CCDC181: variants seen among roughly 807,000 people sequenced by gnomAD.
CCDC181 encodes the protein coiled-coil domain-containing protein 181.
In CCDC181, 35 loss-of-function variants were observed where a neutral mutation model predicts 58.7. That is an observed-to-expected ratio of 0.60 (90% CI 0.46 to 0.79). CCDC181 has a LOEUF of 0.79. CCDC181 is among the 30% of genes least tolerant of loss of function. The probability of loss-of-function intolerance (pLI) is 0.00; values close to 1 mark genes in which losing one functional copy is unlikely to be tolerated. For missense variants in CCDC181, 517 were observed against 583.9 expected, an observed-to-expected ratio of 0.89 and a Z score of 1.18; for synonymous variants, 183 against 197.5, an observed-to-expected ratio of 0.93 and a Z score of 0.62.
At chr1:169,421,129 A>C (rs887992582) in intron 3 of CCDC181, among the ~76,000 whole-genome samples, 6 of 152,176 alleles carry the variant, frequency 3.9e-5, no homozygotes, top group African/African-American at 1.2e-4. Flanking sequence ...CATCACTGAG[A>C]TCTCCGCTAA....
At chr1:169,423,640 G>A (rs1656590883) in intron 2 of CCDC181, among the ~76,000 whole-genome samples, 1 of 151,948 alleles carries the variant, frequency 6.6e-6, no homozygotes, top group Non-Finnish European at 1.5e-5. Context: ...CCTCTGATAT[G>A]ATAGGTGATC....
chr1:169,435,080 G>C (rs149252919), intron 2 of CCDC181, among the ~76,000 whole-genome samples: 4 of 151,970 alleles, frequency 2.6e-5, no homozygotes, highest in African/African-American at 4.8e-5. Flanking sequence ...ACTTAAAAAT[G>C]GTTAAGATAA....
intron 3 of CCDC181, among the ~76,000 whole-genome samples, chr1:169,420,236 AT>A (rs2102087528): frequency 6.6e-6 from 1 of 152,272 alleles, no homozygotes; most frequent in East Asian, 1.9e-4. Flanking sequence ...TTGTCACCAA[AT>A]TCCTATACTT....
At chr1:169,448,151 CATT>C (rs1211201715) in intron 2 of CCDC181, among the ~76,000 whole-genome samples, 6 of 152,136 alleles carry the variant, frequency 3.9e-5, no homozygotes, top group Admixed American at 2.0e-4. Flanking sequence ...CTTATGACAT[CATT>C]GTCATCCACT....
chr1:169,422,333 C>T lies in CCDC181; in HGVS notation c.118-20G>A. 2 of 1,487,566 alleles carry T rather than the reference C, an allele frequency of 1.3e-6. 1 individual carries two copies. The highest frequency in any genetic ancestry group is 2.8e-5 in the South Asian group (2 of 70,426). The allele number at this position is 1,487,566 out of a possible 1,614,324, so 92.1% of individuals were successfully genotyped here. On this transcript the variant is annotated intron_variant, in intron 2 of 5. Transcript: ENST00000367806. Reference sequence around the variant, plus strand: ...AGCCATCTAAAAACAAGATATTTTTCAGTCAAAATTGAGATTCTTCATTTA... The same window carrying T: ...AGCCATCTAAAAACAAGATATTTTTTAGTCAAAATTGAGATTCTTCATTTA...
chr1:169,456,359 A>G (rs1657675854), intron 2 of CCDC181, among the ~76,000 whole-genome samples: 1 of 152,166 alleles, frequency 6.6e-6, no homozygotes, highest in South Asian at 2.1e-4. Flanking sequence ...AGTACCTCGC[A>G]TAAGCCCAAT....
In CCDC181 at chr1:169,421,407, GTTCT is replaced by G. The variant is rs747831683; in HGVS notation, c.1020_1023del (p.Lys340AsnfsTer6). 7 of 1,612,564 alleles carry G rather than the reference GTTCT, an allele frequency of 4.3e-6. No individual in the cohort carries two copies. The highest frequency in any genetic ancestry group is 1.3e-5 in the African/African-American group (1 of 74,940). ...CTCTTTTCTTCTAGTTGTTTTTGTA[GTTCT>G]TTCTGTCGAGGGGAAAGACAGTATG... On this transcript the variant is annotated frameshift_variant, in exon 3 of 6. Transcript: ENST00000367806. LOFTEE classifies it high-confidence loss of function.
At chr1:169,420,965 G>A (rs925838611) in intron 3 of CCDC181, among the ~76,000 whole-genome samples, 2 of 152,140 alleles carry the variant, frequency 1.3e-5, no homozygotes, top group Non-Finnish European at 2.9e-5. Flanking sequence ...AAGAATTATA[G>A]TCCAAGTCTT....
intron 4 of CCDC181, among the ~76,000 whole-genome samples, chr1:169,417,410 A>G (rs1656262437): frequency 6.6e-6 from 1 of 152,240 alleles, no homozygotes; most frequent in African/African-American, 2.4e-5. Flanking sequence ...TTATTAATAA[A>G]GAATATAATA....
At chr1:169,399,186 T>A (rs1655210195) in intron 4 of CCDC181, among the ~76,000 whole-genome samples, 1 of 152,164 alleles carries the variant, frequency 6.6e-6, no homozygotes, top group Non-Finnish European at 1.5e-5. Context: ...TTTAGAAATA[T>A]CATTCTGGCT....
intron 4 of CCDC181, among the ~76,000 whole-genome samples, chr1:169,412,723 A>G (rs1232095735): frequency 1.3e-5 from 2 of 152,238 alleles, no homozygotes; most frequent in African/African-American, 2.4e-5. Context: ...AATGCCACCC[A>G]TCTACAACCA....
intron 2 of CCDC181, chr1:169,454,355 C>A (rs1244538826): frequency 1.3e-5 from 2 of 152,122 alleles, no homozygotes; most frequent in African/African-American, 4.8e-5. Flanking sequence ...CAACACAAAA[C>A]TACTTGCCAA....
chr1:169,442,118 G>A (rs946174352), intron 2 of CCDC181, among the ~76,000 whole-genome samples: 1 of 151,892 alleles, frequency 6.6e-6, no homozygotes, highest in Non-Finnish European at 1.5e-5. Context: ...TAAATAAGTT[G>A]AGTGCCAGGA....
At chr1:169,449,378 A>C (rs1220386356) in intron 2 of CCDC181, among the ~76,000 whole-genome samples, 1 of 152,148 alleles carries the variant, frequency 6.6e-6, no homozygotes, top group African/African-American at 2.4e-5. Flanking sequence ...TTTCCTTCCT[A>C]TAGTATTTGG....
intron 5 of CCDC181, 82 bp downstream of exon 5, chr1:169,397,155 T>C (rs1332162966): frequency 9.9e-6 from 13 of 1,315,544 alleles, no homozygotes; most frequent in Non-Finnish European, 1.3e-5. Flanking sequence ...AGGGTTTTTT[T>C]TTTCCAATCT....
intron 4 of CCDC181, chr1:169,418,645 G>T: frequency 9.0e-5 from 19 of 210,830 alleles, no homozygotes; most frequent in East Asian, 2.1e-4. Context: ...TCTTTAATTT[G>T]CTAAAGATTT....
intron 4 of CCDC181, among the ~76,000 whole-genome samples, chr1:169,411,102 G>T (rs1225810549): frequency 1.3e-5 from 2 of 152,088 alleles, no homozygotes; most frequent in African/African-American, 4.8e-5. Context: ...CCAGGAGCTG[G>T]TTTTTTGAAA....
intron 4 of CCDC181, among the ~76,000 whole-genome samples, chr1:169,409,262 A>C (rs555084795): frequency 1.3e-5 from 2 of 152,366 alleles, no homozygotes; most frequent in African/African-American, 4.8e-5. Context: ...TCAATAGCCA[A>C]ATCAATGAAG....
chr1:169,419,069 C>T lies in CCDC181; in HGVS notation c.1159G>A (p.Val387Ile). The change falls in exon 4 of 6, where the codon GTC (valine) becomes ATC (isoleucine). Residue 387 changes from valine to isoleucine, a missense_variant. Val to Ile is a conservative substitution (Grantham distance 29, BLOSUM62 3). Transcript: ENST00000367806. ...CGCTGAATTCTCCTCATTTCTAAGA[C>T]CTGCTCTCTTTTCTTTTGCAACCAC... Reference protein sequence around the residue: ...KAWLQKKREQVLEMRRIQRAK... With the variant: ...KAWLQKKREQILEMRRIQRAK... The T allele has an allele frequency of 6.2e-7, 1 of 1,613,676 alleles. No homozygotes were observed. The highest frequency in any genetic ancestry group is 2.2e-5 in the East Asian group (1 of 44,842).
Sources: gnomAD v4.1 joint callset for allele counts (sites outside exome capture counted in the v4.1 genomes callset) on GRCh38, gnomAD v4.1.1 for gene constraint, MANE v1.5 for transcripts, NCBI Gene and HGNC (gene_info 2026-07-23, HGNC 2026-07-21) for gene names.